Variants in ZFPM2 observed in about 807,000 individuals in gnomAD.
ZFPM2 encodes zinc finger protein, FOG family member 2.
ZFPM2 carries 20 observed loss-of-function variants against 98.6 expected under a neutral mutation model. That is an observed-to-expected ratio of 0.20 (90% CI 0.14 to 0.29). The LOEUF (loss-of-function observed/expected upper bound fraction) is 0.29. Ranked by LOEUF, ZFPM2 falls within the 10% of genes least tolerant of loss-of-function variation. The pLI is 1.00. For synonymous variants in ZFPM2, 518 were observed against 502.7 expected, an observed-to-expected ratio of 1.03 and a Z score of -0.41; for missense variants, 1,310 against 1,388.6, an observed-to-expected ratio of 0.94 and a Z score of 0.90.
chr8:105,589,136 T>A (rs1331453825), intron 4 of ZFPM2, among the ~76,000 whole-genome samples: 1 of 152,176 alleles, frequency 6.6e-6, no homozygotes, highest in African/African-American at 2.4e-5. Flanking sequence ...TGGAGCCCCC[T>A]CTAATCCTGC....
intron 5 of ZFPM2, among the ~76,000 whole-genome samples, chr8:105,781,518 C>T (rs1813248849): frequency 6.6e-6 from 1 of 151,916 alleles, no homozygotes; most frequent in African/African-American, 2.4e-5. Context: ...CTCAGGAGTT[C>T]GATACCAGCC....
intron 4 of ZFPM2, among the ~76,000 whole-genome samples, chr8:105,627,792 A>G (rs1816686226): frequency 6.6e-6 from 1 of 152,180 alleles, no homozygotes; most frequent in Non-Finnish European, 1.5e-5. Context: ...TGTAGGAGTG[A>G]CACAAGCCAC....
intron 5 of ZFPM2, among the ~76,000 whole-genome samples, chr8:105,671,729 A>T (rs1225509424): frequency 2.6e-5 from 4 of 152,124 alleles, no homozygotes; most frequent in Non-Finnish European, 5.9e-5. Flanking sequence ...TATAACAAGT[A>T]AGTACAATAG....
chr8:105,545,108 T>C (rs1173716998), intron 3 of ZFPM2, among the ~76,000 whole-genome samples: 1 of 152,172 alleles, frequency 6.6e-6, no homozygotes, highest in Non-Finnish European at 1.5e-5. Context: ...GTCAATAATA[T>C]CTGCATTTTC....
intron 5 of ZFPM2, among the ~76,000 whole-genome samples, chr8:105,754,730 CT>C (rs984060688): frequency 1.3e-5 from 2 of 150,806 alleles, no homozygotes; most frequent in Admixed American, 6.6e-5. Flanking sequence ...TTTTTTCCCC[CT>C]TTTTAACACA....
chr8:105,644,672 A>G (rs6994884), intron 5 of ZFPM2, among the ~76,000 whole-genome samples: 94,143 of 151,928 alleles, frequency 0.62, 29,583 homozygotes, highest in Middle Eastern at 0.79. Flanking sequence ...ATTTCTCATG[A>G]TTCCGGAGAC....
At chr8:105,384,970 A>G (rs1036757982) in intron 1 of ZFPM2, among the ~76,000 whole-genome samples, 5 of 152,202 alleles carry the variant, frequency 3.3e-5, no homozygotes, top group African/African-American at 1.2e-4. Flanking sequence ...TCACACAGTC[A>G]TATGAGAGAG....
chr8:105,798,563 A>G, intron 6 of ZFPM2, 161 bp from the exon 7 acceptor site: 1 of 582,782 alleles, frequency 1.7e-6, no homozygotes, highest in Non-Finnish European at 3.0e-6. Flanking sequence ...TTAAAAGTCG[A>G]GTCCTATGCT....
intron 5 of ZFPM2, among the ~76,000 whole-genome samples, chr8:105,774,167 C>T (rs1242894720): frequency 1.3e-5 from 2 of 152,064 alleles, no homozygotes; most frequent in African/African-American, 4.8e-5. Context: ...ATTAGCTTTC[C>T]TCTCTAGACC....
intron 5 of ZFPM2, among the ~76,000 whole-genome samples, chr8:105,636,304 A>G (rs1485837408): frequency 6.6e-6 from 1 of 152,144 alleles, no homozygotes; most frequent in Non-Finnish European, 1.5e-5. Context: ...ATCTTTTTGC[A>G]ATAAACAACT....
intron 2 of ZFPM2, among the ~76,000 whole-genome samples, chr8:105,426,921 C>A (rs771366427): frequency 8.5e-5 from 13 of 152,124 alleles, no homozygotes; most frequent in Non-Finnish European, 1.8e-4. Context: ...CATGCCACTG[C>A]ACTCCAGCCT....
intron 3 of ZFPM2, among the ~76,000 whole-genome samples, chr8:105,455,881 G>A (rs1477610513): frequency 2.6e-5 from 4 of 152,144 alleles, no homozygotes; most frequent in Admixed American, 1.3e-4. Flanking sequence ...TAGAACATTG[G>A]TAATATAGCC....
intron 3 of ZFPM2, among the ~76,000 whole-genome samples, chr8:105,550,792 A>G (rs1206777784): frequency 1.3e-5 from 2 of 152,178 alleles, no homozygotes; most frequent in Admixed American, 6.5e-5. Flanking sequence ...AACACTAATG[A>G]TGGGTACTTC....
intron 3 of ZFPM2, among the ~76,000 whole-genome samples, chr8:105,545,694 A>G (rs1279628440): frequency 4.6e-5 from 7 of 152,178 alleles, no homozygotes; most frequent in Admixed American, 1.3e-4. Context: ...AATGTCTGCT[A>G]TATTATAAGT....
At chr8:105,481,084 G>T (rs941987943) in intron 3 of ZFPM2, among the ~76,000 whole-genome samples, 7 of 152,116 alleles carry the variant, frequency 4.6e-5, no homozygotes, top group African/African-American at 1.7e-4. Context: ...GTTCACAGAA[G>T]TGGTTGCAAA....
intron 3 of ZFPM2, among the ~76,000 whole-genome samples, chr8:105,551,690 A>G (rs1814856795): frequency 6.6e-6 from 1 of 150,610 alleles, no homozygotes; most frequent in Non-Finnish European, 1.5e-5. Context: ...CCTAAAAATC[A>G]CCTCTCCACT....
chr8:105,676,766 C>G (rs1810480569), intron 5 of ZFPM2, among the ~76,000 whole-genome samples: 1 of 151,984 alleles, frequency 6.6e-6, no homozygotes, highest in African/African-American at 2.4e-5. Context: ...TCATGCTTCA[C>G]TATGAAGTAA....
rs113633120 is a variant in ZFPM2, at chr8:105,590,657, G to A, written c.420+29176G>A. On this transcript the variant is annotated intron_variant, in intron 4 of 7. Transcript: ENST00000407775. Reference sequence around the variant, plus strand: ...ATGGATGTGGAGGGCTGATGTGATAGGTTGGAATATTACACTGAAGAATTT... The same window carrying A: ...ATGGATGTGGAGGGCTGATGTGATAAGTTGGAATATTACACTGAAGAATTT... Among the ~76,000 whole-genome samples the A allele has an allele frequency of 5.6e-3, 859 of 152,304 alleles. 9 individuals are homozygous for A. The highest frequency in any genetic ancestry group is 0.019 in the African/African-American group (807 of 41,554).
At chr8:105,498,441 AAG>A (rs1461343944) in intron 3 of ZFPM2, among the ~76,000 whole-genome samples, 2 of 152,178 alleles carry the variant, frequency 1.3e-5, no homozygotes, top group Admixed American at 6.5e-5. Flanking sequence ...TATTTCCTCT[AAG>A]AAGGCAGAAA....
Sources: allele counts gnomAD v4.1 joint callset (sites outside exome capture counted in the v4.1 genomes callset), GRCh38; gene constraint gnomAD v4.1.1; transcripts MANE v1.5; gene names NCBI Gene and HGNC (gene_info 2026-07-23, HGNC 2026-07-21).